The following FOXP2 variants were observed in gnomAD, a reference collection of about 807,000 sequenced individuals.
FOXP2 encodes forkhead box protein P2.
A neutral mutation model predicts 115.8 loss-of-function variants in FOXP2; 12 were observed. The ratio of observed to expected loss-of-function variants is 0.10; its 90% confidence interval spans 0.07 to 0.17. FOXP2 has a LOEUF of 0.17. Ranked by LOEUF, FOXP2 falls within the 10% of genes least tolerant of loss-of-function variation. FOXP2 has a pLI of 1.00. For missense variants in FOXP2, 629 were observed against 843.5 expected, an observed-to-expected ratio of 0.75 and a Z score of 3.15; for synonymous variants, 328 against 297.7, an observed-to-expected ratio of 1.10 and a Z score of -1.05.
intron 3 of FOXP2, among the ~76,000 whole-genome samples, chr7:114,616,686 T>C (rs1803968564): frequency 1.3e-5 from 2 of 152,170 alleles, no homozygotes; most frequent in Admixed American, 1.3e-4. Context: ...CTCATATAGA[T>C]TAATAGGTAA....
intron 1 of FOXP2, among the ~76,000 whole-genome samples, chr7:114,424,375 T>C (rs1398321649): frequency 1.3e-5 from 2 of 151,482 alleles, no homozygotes; most frequent in African/African-American, 4.8e-5. Flanking sequence ...AATAAATATT[T>C]CAAATAACTT....
intron 2 of FOXP2, among the ~76,000 whole-genome samples, chr7:114,340,999 T>G (rs1159535914): frequency 6.6e-6 from 1 of 151,182 alleles, no homozygotes; most frequent in Non-Finnish European, 1.5e-5. Context: ...AGCTTTTTAT[T>G]TTAAAAAAAT....
At position 114,631,524 on chromosome 7, in the gene FOXP2, C is replaced by CCAG; in HGVS notation, c.618_620dup. On this transcript the variant is annotated splice_region_variant and splice_polypyrimidine_tract_variant and intron_variant, in intron 5 of 16. Transcript: ENST00000350908. ...GTTTACTGGTTTGGGTTTTCTGATA[C>CCAG]CAGCAGCAGCAGCAGCAGCAGCAGC... 4.1e-3 allele frequency: 6,430 copies of CCAG among 1,553,668 alleles called. 85 individuals are homozygous for CCAG. In the African/African-American group the frequency reaches 0.056, roughly 14 times the overall value.
intron 1 of FOXP2, among the ~76,000 whole-genome samples, chr7:114,124,805 T>C (rs970389554): frequency 2.0e-5 from 3 of 151,964 alleles, no homozygotes; most frequent in Non-Finnish European, 4.4e-5. Flanking sequence ...TCCTTATCCC[T>C]CCTCCTTTAT....
intron 1 of FOXP2, among the ~76,000 whole-genome samples, chr7:114,145,245 T>A (rs1282595111): frequency 1.3e-5 from 2 of 152,178 alleles, no homozygotes; most frequent in Non-Finnish European, 2.9e-5. Context: ...TCTTTCTGAC[T>A]AATAATAAAG....
At chr7:114,542,851 C>A (rs557610319) in intron 3 of FOXP2, among the ~76,000 whole-genome samples, 1 of 149,840 alleles carries the variant, frequency 6.7e-6, no homozygotes, top group Non-Finnish European at 1.5e-5. Flanking sequence ...AGTGCAGTGG[C>A]AAGATTTCCT....
In FOXP2 at chr7:114,690,118, T is replaced by C. The variant is rs777162549; in HGVS notation, c.*192T>C. ...AACAGGCAAATTGCTTGTTTTCTTCTTCTTCTTCTTCTTTTTTTTTTTTTT... is the reference window on the plus strand; with the variant it reads ...AACAGGCAAATTGCTTGTTTTCTTCCTCTTCTTCTTCTTTTTTTTTTTTTT... On this transcript the variant is annotated 3_prime_UTR_variant, in exon 17 of 17. Transcript: ENST00000350908. 7.1e-5 allele frequency: 44 copies of C among 621,618 alleles called. No individual in the cohort carries two copies. Among genetic ancestry groups the C allele is most frequent in the Non-Finnish European group, 1.0e-4 (37 of 355,790 alleles). 38.5% of individuals were successfully genotyped at this position (621,618 alleles called of 1,614,324 possible).
At chr7:114,449,648 A>G (rs1794986205) in intron 2 of FOXP2, among the ~76,000 whole-genome samples, 1 of 152,092 alleles carries the variant, frequency 6.6e-6, no homozygotes, top group African/African-American at 2.4e-5. Flanking sequence ...GTATTCCAGC[A>G]TAGAATGCAT....
At chr7:114,434,088 C>G (rs1047649023) in intron 2 of FOXP2, among the ~76,000 whole-genome samples, 1 of 151,808 alleles carries the variant, frequency 6.6e-6, no homozygotes, top group African/African-American at 2.4e-5. Context: ...GGGAATGAAC[C>G]ATTATCATAT....
chr7:114,532,863 A>G (rs1432301694), intron 2 of FOXP2, among the ~76,000 whole-genome samples: 1 of 151,914 alleles, frequency 6.6e-6, no homozygotes, highest in Non-Finnish European at 1.5e-5. Flanking sequence ...TGGGACACCT[A>G]TTGTAATTTC....
intron 2 of FOXP2, among the ~76,000 whole-genome samples, chr7:114,484,493 T>A (rs1796688740): frequency 6.6e-6 from 1 of 151,464 alleles, no homozygotes; most frequent in South Asian, 2.1e-4. Context: ...CAAATAAAAA[T>A]CTTCTTGATT....
At chr7:114,086,649 C>G (rs1488200479), upstream of FOXP2, 1 of 368,238 alleles carries the variant, frequency 2.7e-6, no homozygotes, top group East Asian at 1.3e-4. Context: ...CGCTACACCT[C>G]CGCACCCCAC....
intron 2 of FOXP2, among the ~76,000 whole-genome samples, chr7:114,502,455 C>G (rs1372025761): frequency 6.6e-6 from 1 of 152,040 alleles, no homozygotes; most frequent in Non-Finnish European, 1.5e-5. Flanking sequence ...AACAAAGATT[C>G]TGTTGTATTG....
chr7:114,624,006 A>G (rs1804394943), intron 3 of FOXP2, among the ~76,000 whole-genome samples: 1 of 151,946 alleles, frequency 6.6e-6, no homozygotes, highest in South Asian at 2.1e-4. Flanking sequence ...TTTTAATACC[A>G]TAAAACCAGG....
chr7:114,667,644 T>A (rs939885217), intron 16 of FOXP2: 6 of 152,166 alleles, frequency 3.9e-5, no homozygotes, highest in Middle Eastern at 3.4e-3. Context: ...CATAAGGGAA[T>A]ACAGAATTTA....
intron 2 of FOXP2, among the ~76,000 whole-genome samples, chr7:114,376,512 G>T (rs1792140313): frequency 6.6e-6 from 1 of 152,178 alleles, no homozygotes. Context: ...CAGAATTTCT[G>T]CCACGTTTCA....
At chr7:114,310,865 G>A (rs756188619) in intron 2 of FOXP2, among the ~76,000 whole-genome samples, 2 of 152,142 alleles carry the variant, frequency 1.3e-5, no homozygotes, top group Non-Finnish European at 2.9e-5. Context: ...ATGAAGTAAA[G>A]TACACTTGGA....
intron 1 of FOXP2, among the ~76,000 whole-genome samples, chr7:114,259,160 A>G (rs951363548): frequency 3.3e-5 from 5 of 152,222 alleles, no homozygotes; most frequent in African/African-American, 9.6e-5. Context: ...ACCGATGAAC[A>G]GTAGAAGTAG....
chr7:114,421,696 A>T (rs1793629111), intron 1 of FOXP2, among the ~76,000 whole-genome samples: 1 of 151,738 alleles, frequency 6.6e-6, no homozygotes, highest in Non-Finnish European at 1.5e-5. Flanking sequence ...ATCCTGCTTC[A>T]GTTTTTAAAA....
Sources: allele counts gnomAD v4.1 joint callset (sites outside exome capture counted in the v4.1 genomes callset), GRCh38; gene constraint gnomAD v4.1.1; transcripts MANE v1.5; gene names NCBI Gene and HGNC (gene_info 2026-07-23, HGNC 2026-07-21).